The following PTGER3 variants were observed in gnomAD, a reference collection of about 807,000 sequenced individuals.
PTGER3 encodes the protein prostaglandin E2 receptor EP3 subtype.
In PTGER3, 22 loss-of-function variants were observed where a neutral mutation model predicts 34.7. The observed-to-expected ratio is 0.63, with a 90% CI of 0.45 to 0.91. The LOEUF (loss-of-function observed/expected upper bound fraction) is 0.91. Among genes scored for constraint, PTGER3 ranks in the 40% least tolerant of loss-of-function variants. The pLI is 0.00. For missense variants in PTGER3, 468 were observed against 519.4 expected, an observed-to-expected ratio of 0.90 and a Z score of 0.96; for synonymous variants, 241 against 230.1, an observed-to-expected ratio of 1.05 and a Z score of -0.43.
chr1:70,998,122 CCTT>C (rs1432329944), intron 2 of PTGER3, among the ~76,000 whole-genome samples: 3 of 152,196 alleles, frequency 2.0e-5, no homozygotes, highest in Admixed American at 6.5e-5. Context: ...ATGTGACACT[CCTT>C]CATGCATTTG....
chr1:70,862,293 A>G, intron 4 of PTGER3: 1 of 1,322,428 alleles, frequency 7.6e-7, no homozygotes, highest in Non-Finnish European at 1.0e-6. Flanking sequence ...TTCTTTGGAG[A>G]TCATGACTTA....
chr1:70,950,237 C>T (rs542322994), downstream of PTGER3, among the ~76,000 whole-genome samples: 1 of 152,286 alleles, frequency 6.6e-6, no homozygotes, highest in East Asian at 1.9e-4. Flanking sequence ...AAGTTAAGGA[C>T]ATCCTGAGTG....
intron 4 of PTGER3, among the ~76,000 whole-genome samples, chr1:70,887,405 A>C (rs1646520992): frequency 6.6e-6 from 1 of 152,134 alleles, no homozygotes; most frequent in African/African-American, 2.4e-5. Flanking sequence ...TATGCTTATT[A>C]CAGTTCTTTC....
intron 2 of PTGER3, among the ~76,000 whole-genome samples, chr1:70,975,365 T>A (rs925243934): frequency 1.2e-5 from 1 of 86,532 alleles, no homozygotes; most frequent in Non-Finnish European, 2.4e-5. Context: ...AAACGATTCC[T>A]TTTTTTTATA....
chr1:70,866,196 A>G (rs1646039093), intron 4 of PTGER3, among the ~76,000 whole-genome samples: 1 of 152,192 alleles, frequency 6.6e-6, no homozygotes, highest in African/African-American at 2.4e-5. Flanking sequence ...GAAGATGCCT[A>G]ATACATATTT....
At chr1:70,921,292 G>A (rs899355712) in intron 4 of PTGER3, among the ~76,000 whole-genome samples, 2 of 152,208 alleles carry the variant, frequency 1.3e-5, no homozygotes, top group South Asian at 2.1e-4. Flanking sequence ...ACAAGTGGCC[G>A]CCCGAACTTT....
chr1:71,026,689 G>T (rs1318853366), intron 1 of PTGER3, among the ~76,000 whole-genome samples: 1 of 151,294 alleles, frequency 6.6e-6, no homozygotes, highest in Non-Finnish European at 1.5e-5. Context: ...TATTTACTTT[G>T]CTGTGGGACT....
At chr1:71,010,656 A>G in intron 2 of PTGER3, 1 of 984,508 alleles carries the variant, frequency 1.0e-6, no homozygotes. Flanking sequence ...GATGACCTAC[A>G]GGATAATCCA....
At chr1:70,879,049 G>A (rs1182336601) in intron 4 of PTGER3, among the ~76,000 whole-genome samples, 3 of 152,058 alleles carry the variant, frequency 2.0e-5, no homozygotes, top group Non-Finnish European at 4.4e-5. Flanking sequence ...TCAATGATAT[G>A]GTTAATATGG....
intron 1 of PTGER3, among the ~76,000 whole-genome samples, chr1:71,034,137 T>G (rs1302382708): frequency 6.6e-6 from 1 of 152,154 alleles, no homozygotes; most frequent in East Asian, 1.9e-4. Flanking sequence ...AGTTTTATCT[T>G]ATTTTATTTT....
chr1:70,921,590 G>A (rs1445525447), intron 4 of PTGER3, among the ~76,000 whole-genome samples: 5 of 152,166 alleles, frequency 3.3e-5, no homozygotes, highest in South Asian at 2.1e-4. Flanking sequence ...CCCTAAACCT[G>A]CTTTTCAAGA....
At chr1:70,862,403 A>C in intron 4 of PTGER3, 1 of 1,356,192 alleles carries the variant, frequency 7.4e-7, no homozygotes, top group Non-Finnish European at 9.9e-7. Context: ...TTCTCCTATT[A>C]TGTGATAGGC....
At chr1:70,917,446 C>T (rs10889901) in intron 4 of PTGER3, among the ~76,000 whole-genome samples, 27,599 of 81,606 alleles carry the variant, frequency 0.34, 3,001 homozygotes, top group East Asian at 0.59. Context: ...TGTGTGTATA[C>T]AATCAATTCC....
chr1:70,996,994 G>A (rs1384964566), intron 2 of PTGER3, among the ~76,000 whole-genome samples: 1 of 152,132 alleles, frequency 6.6e-6, no homozygotes, highest in African/African-American at 2.4e-5. Flanking sequence ...TTTCTTGGCT[G>A]GGCGTGGTAG....
At chr1:71,041,352 C>A (rs1163235238) in intron 1 of PTGER3, among the ~76,000 whole-genome samples, 1 of 152,164 alleles carries the variant, frequency 6.6e-6, no homozygotes, top group African/African-American at 2.4e-5. Flanking sequence ...GGGAGCTGTG[C>A]ATGCATCACC....
chr1:70,913,364 C>T (rs745360012), intron 4 of PTGER3, among the ~76,000 whole-genome samples: 4 of 151,928 alleles, frequency 2.6e-5, no homozygotes, highest in South Asian at 2.1e-4. Flanking sequence ...AGCCTTGCTA[C>T]GTTGACTGGT....
intron 4 of PTGER3, among the ~76,000 whole-genome samples, chr1:70,866,115 C>T (rs1241426793): frequency 2.6e-5 from 4 of 152,098 alleles, no homozygotes; most frequent in Admixed American, 6.6e-5. Context: ...TCTGAACGCC[C>T]GTCTTAATGC....
chr1:70,949,151 G>A (rs749748198), downstream of PTGER3, among the ~76,000 whole-genome samples: 12 of 151,850 alleles, frequency 7.9e-5, no homozygotes, highest in Non-Finnish European at 1.2e-4. Flanking sequence ...ATAAATATAC[G>A]AAAGATTTGT....
chr1:71,005,257 T>C (rs1656846358), intron 2 of PTGER3, among the ~76,000 whole-genome samples: 1 of 152,190 alleles, frequency 6.6e-6, no homozygotes, highest in Non-Finnish European at 1.5e-5. Context: ...TGAGAGGTTA[T>C]ATAGAAAGGA....
Sources: allele counts gnomAD v4.1 joint callset (sites outside exome capture counted in the v4.1 genomes callset), GRCh38; gene constraint gnomAD v4.1.1; transcripts MANE v1.5; gene names NCBI Gene and HGNC (gene_info 2026-07-23, HGNC 2026-07-21).